Variants in ITPK1 observed in about 807,000 individuals in gnomAD.
The protein encoded by ITPK1 is inositol 1,3,4-trisphosphate 5/6-kinase.
ITPK1 carries 21 observed loss-of-function variants against 45.3 expected under a neutral mutation model. That is an observed-to-expected ratio of 0.46 (90% confidence interval 0.33 to 0.67). ITPK1 has a LOEUF of 0.67. Ranked by LOEUF, ITPK1 falls within the 30% of genes least tolerant of loss-of-function variation. The probability of loss-of-function intolerance (pLI) is 0.02; values close to 1 mark genes in which losing one functional copy is unlikely to be tolerated. For missense variants in ITPK1, 474 were observed against 573.5 expected (o/e 0.83, Z 1.77); for synonymous variants, 258 against 253.6 (o/e 1.02, Z -0.16).
At chr14:92,987,001 G>A (rs1886518400) in intron 5 of ITPK1, among the ~76,000 whole-genome samples, 1 of 152,206 alleles carries the variant, frequency 6.6e-6, no homozygotes, top group Admixed American at 6.5e-5. Flanking sequence ...GCCCACAGCT[G>A]TGGAAATGAG....
intron 2 of ITPK1, among the ~76,000 whole-genome samples, chr14:93,112,702 T>G (rs1418774508): frequency 6.6e-6 from 1 of 151,958 alleles, no homozygotes; most frequent in Non-Finnish European, 1.5e-5. Flanking sequence ...ACTCCCAAAG[T>G]GCTGGGATTA....
intron 4 of ITPK1, among the ~76,000 whole-genome samples, chr14:93,003,376 A>G (rs376910683): frequency 6.6e-6 from 1 of 152,228 alleles, no homozygotes; most frequent in East Asian, 1.9e-4. Flanking sequence ...CCAGCCGAAC[A>G]TCCCCCAGAA....
At chr14:93,113,988 C>T (rs1443088192) in intron 2 of ITPK1, among the ~76,000 whole-genome samples, 4 of 152,220 alleles carry the variant, frequency 2.6e-5, no homozygotes, top group Non-Finnish European at 5.9e-5. Flanking sequence ...CCACGGGCCC[C>T]CAGGAGCACC....
intron 9 of ITPK1, 64 bp from the exon 10 acceptor site, chr14:92,946,557 C>G: frequency 1.3e-6 from 2 of 1,501,730 alleles, no homozygotes; most frequent in East Asian, 4.6e-5. Context: ...ACCACACAGA[C>G]AGACCCCCCA....
chr14:93,014,900 C>A lies in ITPK1; in HGVS notation c.246+1776G>T, dbSNP rs966975768. Among the ~76,000 whole-genome samples, 2 of 152,224 alleles carry A rather than the reference C, an allele frequency of 1.3e-5. No individual in the cohort carries two copies. Among genetic ancestry groups the A allele is most frequent in the Admixed American group, 1.3e-4 (2 of 15,288 alleles). On this transcript the variant is annotated intron_variant, in intron 4 of 10. Transcript: ENST00000267615. The surrounding 1 kb of genome is among the most constrained non-coding windows in gnomAD (Gnocchi z 4.4). ...GGTAATCAGGCATCTGGAAGGCCAT[C>A]GTCCCCCAGATGGACTCAGCAAGAG...
At chr14:93,054,458 C>T (rs556568576) in intron 3 of ITPK1, among the ~76,000 whole-genome samples, 88 of 152,224 alleles carry the variant, frequency 5.8e-4, no homozygotes, top group South Asian at 1.2e-3. Context: ...GAAACAGACC[C>T]TATATTCCCA....
At chr14:93,006,185 T>A (rs997651559) in intron 4 of ITPK1, among the ~76,000 whole-genome samples, 1 of 152,160 alleles carries the variant, frequency 6.6e-6, no homozygotes, top group Non-Finnish European at 1.5e-5. Context: ...TCCATCAGAC[T>A]CACAGTCCAT....
intron 3 of ITPK1, among the ~76,000 whole-genome samples, chr14:93,065,384 TG>T (rs1349671217): frequency 6.6e-6 from 1 of 152,214 alleles, no homozygotes; most frequent in Non-Finnish European, 1.5e-5. Context: ...ACAATGATGG[TG>T]GTGGAGGTGG....
chr14:92,941,676 T>C lies in ITPK1; in HGVS notation c.1130A>G (p.Asp377Gly). The change falls in exon 11 of 11, where the codon GAC (aspartate) becomes GGC (glycine). Residue 377 changes from aspartate (D) to glycine (G), a missense_variant. Asp to Gly is a moderately conservative substitution (Grantham distance 94). Around this residue, in one of 2 missense-constraint regions of ITPK1, gnomAD observed 107 missense variants for 92.9 expected, o/e 1.15. Coordinates refer to ENST00000267615, the MANE Select transcript of ITPK1 (RefSeq NM_014216.6). ...GQDAPWKAEA[D>G]AGGTAKLPHQ... ...CGGCAGCTTGGCGGTGCCGCCCGCG[T>C]CGGCCTCAGCCTTCCAGGGCGCGTC... 2 of 1,543,400 alleles carry C rather than the reference T, an allele frequency of 1.3e-6. No individual in the cohort carries two copies. The highest frequency in any genetic ancestry group is 1.7e-6 in the Non-Finnish European group (2 of 1,147,058).
chr14:93,102,612 C>A, intron 2 of ITPK1, among the ~76,000 whole-genome samples: 1 of 152,004 alleles, frequency 6.6e-6, no homozygotes, highest in Non-Finnish European at 1.5e-5. Flanking sequence ...GCCAAGATCA[C>A]ACCACTGCAC....
At chr14:93,072,270 C>T (rs1042407186) in intron 3 of ITPK1, 2 of 151,086 alleles carry the variant, frequency 1.3e-5, no homozygotes, top group African/African-American at 4.9e-5. Flanking sequence ...CCTCTGCACT[C>T]CAGCCTGGGC....
At chr14:93,005,954 T>C (rs923604628) in intron 4 of ITPK1, among the ~76,000 whole-genome samples, 3 of 152,176 alleles carry the variant, frequency 2.0e-5, no homozygotes, top group Admixed American at 2.0e-4. Flanking sequence ...AGCCCCATTG[T>C]ACAGGGGCTG....
At chr14:93,023,985 C>CTCTGTTGCCAGGCACCAA (rs1888601131) in intron 3 of ITPK1, among the ~76,000 whole-genome samples, 1 of 152,202 alleles carries the variant, frequency 6.6e-6, no homozygotes, top group South Asian at 2.1e-4. Flanking sequence ...AACCCCTCCC[C>CTCTGTTGCCAGGCACCAA]TCTGTTGCCA....
intron 2 of ITPK1, among the ~76,000 whole-genome samples, chr14:93,098,175 G>A (rs918506381): frequency 1.3e-5 from 2 of 152,068 alleles, no homozygotes; most frequent in Non-Finnish European, 2.9e-5. Flanking sequence ...AAAAATTAAT[G>A]GCCGGGTGCG....
At chr14:93,008,917 G>C (rs1887751482) in intron 4 of ITPK1, among the ~76,000 whole-genome samples, 1 of 152,172 alleles carries the variant, frequency 6.6e-6, no homozygotes, top group Non-Finnish European at 1.5e-5. Context: ...CACCCAGTGG[G>C]GCCTCAGTGT....
rs1020390076 is a variant in ITPK1 at position 93,036,165 on chromosome 14, G to A, written c.121-19364C>T. Among the ~76,000 whole-genome samples the A allele has an allele frequency of 7.2e-5, 11 of 152,116 alleles. No individual in the cohort carries two copies. Among genetic ancestry groups the A allele is most frequent in the Non-Finnish European group, 1.0e-4 (7 of 68,000 alleles). Reference sequence around the variant, plus strand: ...CCCAAGGTCCCAGGAGCCCAAGGTCGGTAACTTCAAGAGCTGCGGGGAGCA... The same window carrying A: ...CCCAAGGTCCCAGGAGCCCAAGGTCAGTAACTTCAAGAGCTGCGGGGAGCA... On this transcript the variant is annotated intron_variant, in intron 3 of 10. Coordinates refer to ENST00000267615, the MANE Select transcript of ITPK1 (RefSeq NM_014216.6). This position sits in a 1 kb window ranked among gnomAD's most constrained non-coding sequence, Gnocchi z 4.1.
Position 92,938,372 on chromosome 14 carries a change from T to G in ITPK1, c.*3189A>C. On this transcript the variant is annotated 3_prime_UTR_variant, in exon 11 of 11. Coordinates refer to ENST00000267615, the MANE Select transcript of ITPK1 (RefSeq NM_014216.6). ...AGTGCCCAAGAGCCAAGAACTGGTCTTCCAGGCTAGAAGGACAAACGACAG... is the reference window on the plus strand; with the variant it reads ...AGTGCCCAAGAGCCAAGAACTGGTCGTCCAGGCTAGAAGGACAAACGACAG... 1 of 831,990 alleles carries G rather than the reference T, an allele frequency of 1.2e-6. No homozygotes were observed. The highest frequency in any genetic ancestry group is 2.1e-6 in the Non-Finnish European group (1 of 482,540). The allele number at this position is 831,990 out of a possible 1,614,324, so 51.5% of individuals were successfully genotyped here. A position where few individuals can be genotyped will look rare whatever the true frequency, so the allele number is the denominator to read the frequency against.
chr14:92,959,026 C>T (rs1433149254), intron 7 of ITPK1, among the ~76,000 whole-genome samples: 1 of 152,250 alleles, frequency 6.6e-6, no homozygotes, highest in Non-Finnish European at 1.5e-5. Flanking sequence ...AGCCGCGCCC[C>T]TACACACGGA....
rs186050314 is a variant in ITPK1, at chr14:93,099,620, G to A, written c.95+15449C>T. ...AGAATCTGCCTGTGTCGGGCTGGCC[G>A]TGGGAATAAGCCAGATTCAGGTTTA... is the stretch of plus-strand genomic sequence containing the variant. On this transcript the variant is annotated intron_variant, in intron 2 of 10. Transcript: ENST00000267615. 6.8e-4 allele frequency among the ~76,000 whole-genome samples: 103 copies of A among 152,296 alleles called. 1 individual carries two copies. Among genetic ancestry groups the A allele is most frequent in the African/African-American group, 2.1e-3 (88 of 41,566 alleles).
Sources: allele counts gnomAD v4.1 joint callset (sites outside exome capture counted in the v4.1 genomes callset), GRCh38; gene constraint gnomAD v4.1.1; regional missense constraint gnomAD v4.1.1; non-coding constraint Gnocchi (gnomAD v3.1); transcripts MANE v1.5; gene names NCBI Gene and HGNC (gene_info 2026-07-23, HGNC 2026-07-21).